The following VWC2 variants were observed in gnomAD, a reference collection of about 807,000 sequenced individuals.
The protein encoded by VWC2 is von Willebrand factor C domain containing 2, also known as brorin.
In VWC2, 14 loss-of-function variants were observed where a neutral mutation model predicts 29.8. The observed-to-expected ratio is 0.47, with a 90% CI of 0.31 to 0.74. The LOEUF (loss-of-function observed/expected upper bound fraction) is 0.74, where lower values mean the gene tolerates loss of function less well. Among genes scored for constraint, VWC2 ranks in the 30% least tolerant of loss-of-function variants. The pLI is 0.05. For synonymous variants in VWC2, 213 were observed against 199.0 expected, an observed-to-expected ratio of 1.07 and a Z score of -0.59; for missense variants, 457 against 459.8, an observed-to-expected ratio of 0.99 and a Z score of 0.05.
At chr7:49,922,194 TC>T (rs772626116), downstream of VWC2, among the ~76,000 whole-genome samples, 5 of 152,154 alleles carry the variant, frequency 3.3e-5, no homozygotes, top group Non-Finnish European at 7.3e-5. Context: ...TAATATAATA[TC>T]CCACGGAATT....
intron 3 of VWC2, among the ~76,000 whole-genome samples, chr7:49,909,944 GA>G (rs911467413): frequency 4.6e-5 from 7 of 151,748 alleles, no homozygotes; most frequent in Non-Finnish European, 7.4e-5. Flanking sequence ...TATCTCCAAA[GA>G]TTTTTTTTTT....
chr7:49,788,306 G>A (rs1010852936), intron 2 of VWC2, among the ~76,000 whole-genome samples: 3 of 152,210 alleles, frequency 2.0e-5, no homozygotes, highest in South Asian at 2.1e-4. Flanking sequence ...GAGCAGGGCT[G>A]TTGGAGCCCG....
At chr7:49,792,336 C>T (rs183341140) in intron 2 of VWC2, among the ~76,000 whole-genome samples, 11 of 152,332 alleles carry the variant, frequency 7.2e-5, no homozygotes, top group Admixed American at 7.2e-4. Flanking sequence ...TTTCAGATAA[C>T]TTGCTCAGGG....
intron 3 of VWC2, among the ~76,000 whole-genome samples, chr7:49,806,571 C>A (rs865939672): frequency 6.6e-6 from 1 of 152,062 alleles, no homozygotes; most frequent in African/African-American, 2.4e-5. Context: ...AACACTGAGA[C>A]GTCAAATTAT....
chr7:49,775,574 A>C lies in VWC2; in HGVS notation c.139A>C (p.Lys47Gln). The C allele has an allele frequency of 3.2e-6, 5 of 1,541,064 alleles. No homozygotes were observed. Among genetic ancestry groups the C allele is most frequent in the Non-Finnish European group, 4.4e-6 (5 of 1,145,842 alleles). ...AQAPEQPGQE[K>Q]REHASRDGPG... Reference sequence around the variant, plus strand: ...GGCACCAGAGCAGCCGGGCCAGGAGAAGCGTGAGCACGCCTCTCGGGACGG... The same window carrying C: ...GGCACCAGAGCAGCCGGGCCAGGAGCAGCGTGAGCACGCCTCTCGGGACGG... The change falls in exon 2 of 4, where the codon AAG becomes CAG. Residue 47 changes from lysine (K) to glutamine (Q), a missense_variant. Physicochemically the swap from Lys to Gln is moderately conservative, Grantham distance 53. This residue lies in a region of VWC2 where 272 missense variants were observed against 202.7 expected (regional missense o/e 1.34). Transcript: ENST00000340652.
intron 3 of VWC2, among the ~76,000 whole-genome samples, chr7:49,817,902 T>C (rs945321846): frequency 6.6e-6 from 1 of 152,218 alleles, no homozygotes; most frequent in Non-Finnish European, 1.5e-5. Context: ...ACAGAAATTT[T>C]TCAGATAATA....
intron 2 of VWC2, among the ~76,000 whole-genome samples, chr7:49,789,272 GGT>G (rs1004536016): frequency 2.1e-4 from 28 of 130,452 alleles, no homozygotes; most frequent in African/African-American, 7.8e-4. Context: ...TGTGTGAGCG[GGT>G]GTGTGTGAGA....
intron 2 of VWC2, 69 bp from the exon 3 acceptor site, chr7:49,802,642 A>C: frequency 6.3e-7 from 1 of 1,591,590 alleles, no homozygotes; most frequent in Non-Finnish European, 8.6e-7. Context: ...CATTTCAAAA[A>C]AATATATATG....
At chr7:49,783,131 A>T (rs943057425) in intron 2 of VWC2, among the ~76,000 whole-genome samples, 2 of 152,172 alleles carry the variant, frequency 1.3e-5, no homozygotes, top group African/African-American at 2.4e-5. Flanking sequence ...ACCTCCTCAG[A>T]TGATATCTCT....
chr7:49,779,055 G>GAGAGAC (rs1562700163), intron 2 of VWC2, among the ~76,000 whole-genome samples: 2 of 151,192 alleles, frequency 1.3e-5, no homozygotes, highest in Admixed American at 6.6e-5. Context: ...GAGAGAGAGA[G>GAGAGAC]AGAGACAGAG....
intron 2 of VWC2, among the ~76,000 whole-genome samples, chr7:49,795,030 A>G (rs921835668): frequency 6.6e-6 from 1 of 152,110 alleles, no homozygotes; most frequent in Non-Finnish European, 1.5e-5. Context: ...AACCAGACTG[A>G]GCATTTGAGG....
intron 3 of VWC2, among the ~76,000 whole-genome samples, chr7:49,905,136 T>G (rs1167213025): frequency 6.6e-6 from 1 of 152,212 alleles, no homozygotes; most frequent in Non-Finnish European, 1.5e-5. Context: ...GGGTCCACAT[T>G]TATACAGCTT....
intron 2 of VWC2, among the ~76,000 whole-genome samples, chr7:49,779,953 A>G (rs1167331944): frequency 1.3e-5 from 2 of 152,144 alleles, no homozygotes; most frequent in East Asian, 3.8e-4. Context: ...TAACTTAATT[A>G]CCTCGTTAAA....
chr7:49,784,406 A>G (rs1427453598), intron 2 of VWC2, among the ~76,000 whole-genome samples: 2 of 152,270 alleles, frequency 1.3e-5, no homozygotes, highest in South Asian at 2.1e-4. Flanking sequence ...GTTGGAATCC[A>G]TAGAGCAAAG....
chr7:49,919,096 G>C lies in VWC2; in HGVS notation c.*6911G>C, dbSNP rs1483162972. 2.0e-5 allele frequency: 3 copies of C among 151,486 alleles called. No individual in the cohort carries two copies. In the East Asian group the frequency reaches 5.8e-4, roughly 29 times the overall value. The allele number at this position is 151,486 out of a possible 1,614,324, so 9.4% of individuals were successfully genotyped here. A position where few individuals can be genotyped will look rare whatever the true frequency, so the allele number is the denominator to read the frequency against. On this transcript the variant is annotated 3_prime_UTR_variant, in exon 4 of 4. Coordinates refer to ENST00000340652, the MANE Select transcript of VWC2 (RefSeq NM_198570.5). ...CAGTGATGGAACTGAGGCCAAATCT[G>C]TCTGGTTCCAAAGCTATCCTACATG...
chr7:49,870,762 T>G lies in VWC2; in HGVS notation c.827-41272T>G, dbSNP rs80097074. On this transcript the variant is annotated intron_variant, in intron 3 of 3. Coordinates refer to ENST00000340652, the MANE Select transcript of VWC2 (RefSeq NM_198570.5). ...CACACTGCTGAAAATGCAACCTGCA[T>G]GATAATGCATGATTGGAAAAGAGTC... Among the ~76,000 whole-genome samples the G allele has an allele frequency of 4.2e-3, 640 of 152,316 alleles. 4 individuals are homozygous for G. The highest frequency in any genetic ancestry group is 0.015 in the African/African-American group (622 of 41,558).
At chr7:49,900,567 C>A (rs1415391999) in intron 3 of VWC2, among the ~76,000 whole-genome samples, 1 of 151,660 alleles carries the variant, frequency 6.6e-6, no homozygotes, top group East Asian at 1.9e-4. Flanking sequence ...ATGAAATGAA[C>A]CAATTCCTTG....
intron 3 of VWC2, among the ~76,000 whole-genome samples, chr7:49,816,298 G>T (rs1337581340): frequency 6.6e-6 from 1 of 152,182 alleles, no homozygotes; most frequent in Non-Finnish European, 1.5e-5. Flanking sequence ...TTGACCTCCT[G>T]AAAGTCATTC....
rs373752097 is a variant in VWC2 at position 49,804,162 on chromosome 7, G to GT, written c.826+1332dup. ...GAGGGGGACTTTGAGCATGGAGTGT[G>GT]TTTTTTTTTTAAAAAAAAAAATGAT... On this transcript the variant is annotated intron_variant, in intron 3 of 3. Transcript: ENST00000340652. Among the ~76,000 whole-genome samples the GT allele has an allele frequency of 5.4e-3, 789 of 146,540 alleles. 11 individuals are homozygous for GT. Among genetic ancestry groups the GT allele is most frequent in the African/African-American group, 0.017 (689 of 39,608 alleles).
Sources: gnomAD v4.1 joint callset for allele counts (sites outside exome capture counted in the v4.1 genomes callset) on GRCh38, gnomAD v4.1.1 for gene constraint, gnomAD v4.1.1 regional missense constraint, MANE v1.5 for transcripts, NCBI Gene and HGNC (gene_info 2026-07-23, HGNC 2026-07-21) for gene names.